The following PIAS1 variants were observed in gnomAD, a reference collection of about 807,000 sequenced individuals.
PIAS1 encodes protein inhibitor of activated STAT 1.
In PIAS1, 6 loss-of-function variants were observed where a neutral mutation model predicts 71.3. The ratio of observed to expected loss-of-function variants is 0.08; its 90% confidence interval spans 0.05 to 0.17. The LOEUF (loss-of-function observed/expected upper bound fraction) is 0.17, where lower values mean the gene tolerates loss of function less well. Among genes scored for constraint, PIAS1 ranks in the 10% least tolerant of loss-of-function variants. PIAS1 has a pLI of 1.00. For synonymous variants in PIAS1, 303 were observed against 292.9 expected (o/e 1.03, Z -0.35); for missense variants, 555 against 793.6 (o/e 0.70, Z 3.61).
chr15:68,059,167 G>A (rs1255729918), intron 1 of PIAS1, among the ~76,000 whole-genome samples: 2 of 151,730 alleles, frequency 1.3e-5, no homozygotes, highest in African/African-American at 4.8e-5. Context: ...ACTACGCCCC[G>A]CTAATTTTTT....
chr15:68,103,612 T>C (rs2092446554), intron 2 of PIAS1, among the ~76,000 whole-genome samples: 2 of 152,194 alleles, frequency 1.3e-5, no homozygotes, highest in African/African-American at 4.8e-5. Context: ...AATCACTCTT[T>C]AGTGCCACCT....
chr15:68,124,385 T>G (rs1208526645), intron 2 of PIAS1, among the ~76,000 whole-genome samples: 1 of 148,932 alleles, frequency 6.7e-6, no homozygotes, highest in Non-Finnish European at 1.5e-5. Flanking sequence ...TGGGTTGTGG[T>G]TTTTTTTGTT....
In PIAS1 at chr15:68,054,508, GC is replaced by G. The variant is rs1375881771; in HGVS notation, c.24+161del. On this transcript the variant is annotated intron_variant, in intron 1 of 13. Coordinates refer to ENST00000249636, the MANE Select transcript of PIAS1 (RefSeq NM_016166.3). The surrounding 1 kb of genome is among the most constrained non-coding windows in gnomAD (Gnocchi z 4.6). ...GGCGCGCCCGGTCTCAGCAGAGGGGGCCCGCCTGCGGCGGGCCGCGGGCCCC... is the reference window on the plus strand; with the variant it reads ...GGCGCGCCCGGTCTCAGCAGAGGGGGCCGCCTGCGGCGGGCCGCGGGCCCC... 1.8e-5 allele frequency: 12 copies of G among 660,520 alleles called. No homozygotes were observed. Among genetic ancestry groups the G allele is most frequent in the Non-Finnish European group, 2.6e-5 (11 of 418,694 alleles). The allele number at this position is 660,520 out of a possible 1,614,324, so 40.9% of individuals were successfully genotyped here.
intron 2 of PIAS1, among the ~76,000 whole-genome samples, chr15:68,096,757 G>A (rs1339728436): frequency 6.6e-6 from 1 of 151,910 alleles, no homozygotes; most frequent in African/African-American, 2.4e-5. Context: ...TTTGTGTGTC[G>A]ATTTTGTATC....
intron 2 of PIAS1, among the ~76,000 whole-genome samples, chr15:68,111,475 AAAAGTG>A (rs1288447146): frequency 6.6e-6 from 1 of 152,206 alleles, no homozygotes; most frequent in Non-Finnish European, 1.5e-5. Context: ...CAAATAACAT[AAAAGTG>A]AAATTACTAA....
At chr15:68,131,088 C>T (rs1008027600) in intron 2 of PIAS1, among the ~76,000 whole-genome samples, 3 of 152,030 alleles carry the variant, frequency 2.0e-5, no homozygotes, top group Non-Finnish European at 2.9e-5. Flanking sequence ...GGTAAGCACG[C>T]GGACTTCTGA....
chr15:68,075,167 C>G (rs1454729588), intron 1 of PIAS1, among the ~76,000 whole-genome samples: 2 of 144,944 alleles, frequency 1.4e-5, no homozygotes, highest in East Asian at 4.0e-4. Flanking sequence ...TCACTGCAAC[C>G]TCCGCCCCCC....
rs118098828 is a variant in PIAS1 at position 68,116,922 on chromosome 15, A to G, written c.470-25024A>G. Among the ~76,000 whole-genome samples the G allele has an allele frequency of 6.1e-3, 932 of 152,266 alleles. 4 individuals are homozygous for G. Among genetic ancestry groups the G allele is most frequent in the East Asian group, 0.032 (168 of 5,170 alleles). On this transcript the variant is annotated intron_variant, in intron 2 of 13. Transcript: ENST00000249636. ...TTTTAAACTAACACATAAAAATTGT[A>G]CATATTTATGGCGTACAATGTGATG...
Position 68,141,940 on chromosome 15 carries a change from C to G in PIAS1, c.470-6C>G, listed in dbSNP as rs768385955. On this transcript the variant is annotated splice_region_variant and splice_polypyrimidine_tract_variant and intron_variant, in intron 2 of 13. Transcript: ENST00000249636. ...TAATTGAAAGTATAATTCTTGTCTT[C>G]TTTAGCATCAGACAACAGTCAGCGC... The G allele has an allele frequency of 1.3e-6, 2 of 1,577,702 alleles. No individual in the cohort carries two copies. The highest frequency in any genetic ancestry group is 1.1e-5 in the South Asian group (1 of 87,442).
chr15:68,066,468 C>A (rs2092028083), intron 1 of PIAS1, among the ~76,000 whole-genome samples: 1 of 152,190 alleles, frequency 6.6e-6, no homozygotes, highest in African/African-American at 2.4e-5. Flanking sequence ...AATTCCCTAA[C>A]TTAATATTAG....
intron 4 of PIAS1, among the ~76,000 whole-genome samples, chr15:68,143,422 G>A (rs944837613): frequency 3.9e-5 from 6 of 152,042 alleles, no homozygotes; most frequent in Admixed American, 6.6e-5. Flanking sequence ...AGTTGAAGTC[G>A]AAAGTTGAGT....
intron 8 of PIAS1, among the ~76,000 whole-genome samples, chr15:68,165,162 C>T (rs1032593964): frequency 2.0e-5 from 3 of 152,060 alleles, no homozygotes; most frequent in African/African-American, 7.2e-5. Context: ...GCTCTTGTTG[C>T]CCAGGCTGGA....
At chr15:68,166,695 T>C (rs989900766) in intron 8 of PIAS1, among the ~76,000 whole-genome samples, 2 of 152,250 alleles carry the variant, frequency 1.3e-5, no homozygotes, top group African/African-American at 2.4e-5. Context: ...ATGAAGCATT[T>C]ATTCGTATAA....
chr15:68,188,059 T>C lies in PIAS1; in HGVS notation c.*224T>C, dbSNP rs2093099680. ...TAAGACTGCCTGTGTGATAAAACACTTGTTTAAAAAAAAAAAGGAAAGAAA... is the reference window on the plus strand; with the variant it reads ...TAAGACTGCCTGTGTGATAAAACACCTGTTTAAAAAAAAAAAGGAAAGAAA... On this transcript the variant is annotated 3_prime_UTR_variant, in exon 14 of 14. Transcript: ENST00000249636. 2.9e-6 allele frequency: 1 copy of C among 339,462 alleles called. No individual in the cohort carries two copies. Among genetic ancestry groups the C allele is most frequent in the Admixed American group, 4.5e-5 (1 of 22,112 alleles). The allele number at this position is 339,462 out of a possible 1,614,324, so 21.0% of individuals were successfully genotyped here.
intron 1 of PIAS1, chr15:68,057,451 C>A: frequency 7.2e-6 from 3 of 419,498 alleles, no homozygotes; most frequent in South Asian, 1.7e-5. Context: ...AAAACTCAAA[C>A]CAAGTTATAG....
At position 68,086,814 on chromosome 15, in the gene PIAS1, A is replaced by G. The variant is rs2092287392; in HGVS notation, c.469+64A>G. ...GGATGAATTTTCGTTTTAGGCTTTT[A>G]CTTTGACCCAGTTTATTATTCATAA... On this transcript the variant is annotated intron_variant, in intron 2 of 13. Coordinates refer to ENST00000249636, the MANE Select transcript of PIAS1 (RefSeq NM_016166.3). This position sits in a 1 kb window ranked among gnomAD's most constrained non-coding sequence, Gnocchi z 7.2. 10 of 897,858 alleles carry G rather than the reference A, an allele frequency of 1.1e-5. No homozygotes were observed. In the South Asian group the frequency reaches 1.5e-4, roughly 13 times the overall value. 55.6% of individuals were successfully genotyped at this position (897,858 alleles called of 1,614,324 possible).
intron 8 of PIAS1, among the ~76,000 whole-genome samples, chr15:68,168,047 T>C (rs1286076418): frequency 6.7e-6 from 1 of 150,344 alleles, no homozygotes; most frequent in Non-Finnish European, 1.5e-5. Flanking sequence ...CTTGTTCTGT[T>C]GCCCAGGCTG....
Position 68,132,895 on chromosome 15 carries a change from T to A in PIAS1, c.470-9051T>A, listed in dbSNP as rs909257200. Among the ~76,000 whole-genome samples, 11 of 152,242 alleles carry A rather than the reference T, an allele frequency of 7.2e-5. No homozygotes were observed. The East Asian group carries it at 1.3e-3, about 19-fold the overall frequency. On this transcript the variant is annotated intron_variant, in intron 2 of 13. Transcript: ENST00000249636. ...AAATTAACTAGAAAACTATTAAAAT[T>A]CTTCCTATTTCTTATCCCATTCTCT...
chr15:68,056,138 C>G lies in PIAS1; in HGVS notation c.24+1788C>G, dbSNP rs1479923864. ...TTCTATAATTTTTCTCTTAGAGTCA[C>G]TATGTTGCTGTGATCTTTGCCTTGT... is the stretch of plus-strand genomic sequence containing the variant. On this transcript the variant is annotated intron_variant, in intron 1 of 13. Transcript: ENST00000249636. Among the ~76,000 whole-genome samples, 3 of 152,318 alleles carry G rather than the reference C, an allele frequency of 2.0e-5. No homozygotes were observed. The East Asian group carries it at 5.8e-4, about 29-fold the overall frequency.
Sources: allele counts gnomAD v4.1 joint callset (sites outside exome capture counted in the v4.1 genomes callset), GRCh38; gene constraint gnomAD v4.1.1; non-coding constraint Gnocchi (gnomAD v3.1); transcripts MANE v1.5; gene names NCBI Gene and HGNC (gene_info 2026-07-23, HGNC 2026-07-21).